The following NRXN3 variants were observed in gnomAD, a reference collection of about 807,000 sequenced individuals.
The protein encoded by NRXN3 is neurexin 3, also known as neurexin III.
In NRXN3, 32 loss-of-function variants were observed where a neutral mutation model predicts 137.6. The ratio of observed to expected loss-of-function variants is 0.23; its 90% CI spans 0.18 to 0.31. The LOEUF (loss-of-function observed/expected upper bound fraction) is 0.31. Ranked by LOEUF, NRXN3 falls within the 10% of genes least tolerant of loss-of-function variation. The probability of loss-of-function intolerance (pLI) is 1.00; values close to 1 mark genes in which losing one functional copy is unlikely to be tolerated. For missense variants in NRXN3, 1,574 were observed against 2,062.5 expected (o/e 0.76, Z 4.59); for synonymous variants, 798 against 784.5 (o/e 1.02, Z -0.29).
Position 78,810,302 on chromosome 14 carries a change from A to AT in NRXN3, c.2249-11dup, listed in dbSNP as rs776062444. 6 of 1,489,470 alleles carry AT rather than the reference A, an allele frequency of 4.0e-6. No individual in the cohort carries two copies. In the East Asian group the frequency reaches 1.5e-4, roughly 37 times the overall value. The allele number at this position is 1,489,470 out of a possible 1,614,324, so 92.3% of individuals were successfully genotyped here. ...AAGGATGCAATTTCATCTTTCATTT[A>AT]TTTTTCCCCATCTAGACTGTATCAG... On this transcript the variant is annotated splice_polypyrimidine_tract_variant and intron_variant, in intron 9 of 20. Coordinates refer to ENST00000335750, the MANE Select transcript of NRXN3 (RefSeq NM_001330195.2).
At chr14:79,424,760 A>G (rs1412603550) in intron 15 of NRXN3, among the ~76,000 whole-genome samples, 1 of 152,202 alleles carries the variant, frequency 6.6e-6, no homozygotes, top group East Asian at 1.9e-4. Flanking sequence ...ATGTAAAAAT[A>G]GTAGTCCTTC....
Position 78,725,570 on chromosome 14 carries a change from T to C in NRXN3, c.2044+10431T>C, listed in dbSNP as rs548257775. On this transcript the variant is annotated intron_variant, in intron 8 of 20. Transcript: ENST00000335750. ...TCAGCCACTATAAGGTGGAGCCTCC[T>C]TCTGTGGAAATCCACAAAGTCAAGG... Among the ~76,000 whole-genome samples the C allele has an allele frequency of 2.0e-5, 3 of 152,354 alleles. No homozygotes were observed. In the South Asian group the frequency reaches 6.2e-4, roughly 32 times the overall value.
At chr14:78,386,648 T>G (rs943414562) in intron 4 of NRXN3, among the ~76,000 whole-genome samples, 1 of 152,196 alleles carries the variant, frequency 6.6e-6, no homozygotes, top group Admixed American at 6.5e-5. Flanking sequence ...CTAGAATATG[T>G]AAGTGACCTA....
chr14:78,175,295 G>A lies in NRXN3; in HGVS notation c.-704+4621G>A, dbSNP rs576210624. Among the ~76,000 whole-genome samples, 10 of 152,288 alleles carry A rather than the reference G, an allele frequency of 6.6e-5. No homozygotes were observed. In the South Asian group the frequency reaches 1.0e-3, roughly 16 times the overall value. The stretch of plus-strand genomic sequence containing the variant: ...TGAGGAGTTAGGGAGACAGGGTTAC[G>A]TCATTGCCAGAGAAAGGGGATAAAT... On this transcript the variant is annotated intron_variant, in intron 1 of 20. Coordinates refer to ENST00000335750, the MANE Select transcript of NRXN3 (RefSeq NM_001330195.2).
chr14:79,686,331 A>C (rs575480139), intron 17 of NRXN3, among the ~76,000 whole-genome samples: 5 of 152,110 alleles, frequency 3.3e-5, no homozygotes, highest in Non-Finnish European at 7.4e-5. Context: ...CTCAATGCAA[A>C]TATCGAGACT....
intron 16 of NRXN3, among the ~76,000 whole-genome samples, chr14:79,635,224 A>G (rs2098394855): frequency 6.6e-6 from 1 of 152,192 alleles, no homozygotes; most frequent in South Asian, 2.1e-4. Context: ...TTAAAAACAA[A>G]ATAAAACATA....
At chr14:79,261,593 G>T (rs1348451707) in intron 15 of NRXN3, among the ~76,000 whole-genome samples, 1 of 122,560 alleles carries the variant, frequency 8.2e-6, no homozygotes, top group South Asian at 3.0e-4. Flanking sequence ...CCACAGATAA[G>T]AAAGGTGCTG....
chr14:79,584,771 T>A (rs1210627461), intron 16 of NRXN3, among the ~76,000 whole-genome samples: 1 of 151,940 alleles, frequency 6.6e-6, no homozygotes, highest in Non-Finnish European at 1.5e-5. Context: ...AAGAGCAGGG[T>A]CCTCACTGAG....
At chr14:79,707,752 A>AT (rs1370727683) in intron 19 of NRXN3, among the ~76,000 whole-genome samples, 1 of 152,158 alleles carries the variant, frequency 6.6e-6, no homozygotes, top group Non-Finnish European at 1.5e-5. Flanking sequence ...AGAAAGTTTT[A>AT]TTTTAACATT....
At chr14:78,267,994 G>A (rs1228318067) in intron 2 of NRXN3, among the ~76,000 whole-genome samples, 1 of 152,284 alleles carries the variant, frequency 6.6e-6, no homozygotes, top group Non-Finnish European at 1.5e-5. Flanking sequence ...AACAAAAAAA[G>A]GGTGAGGATA....
chr14:79,630,681 C>T (rs2098335379), intron 16 of NRXN3, among the ~76,000 whole-genome samples: 1 of 152,136 alleles, frequency 6.6e-6, no homozygotes. Context: ...CTTTGTTGTC[C>T]TATTTTATGC....
intron 15 of NRXN3, among the ~76,000 whole-genome samples, chr14:79,141,130 C>T (rs112556104): frequency 0.012 from 1,793 of 152,182 alleles, 27 homozygotes; most frequent in African/African-American, 0.041. Flanking sequence ...CTTTAATTGG[C>T]CATTTATTCC....
At chr14:79,323,675 T>A (rs553237966) in intron 15 of NRXN3, among the ~76,000 whole-genome samples, 1 of 152,008 alleles carries the variant, frequency 6.6e-6, no homozygotes, top group Non-Finnish European at 1.5e-5. Flanking sequence ...CTGGCCAATG[T>A]GGTGAAACCC....
At chr14:79,493,620 T>C (rs563759509) in intron 16 of NRXN3, among the ~76,000 whole-genome samples, 46 of 152,324 alleles carry the variant, frequency 3.0e-4, no homozygotes, top group African/African-American at 1.1e-3. Context: ...TATCACGGGA[T>C]GAATAGGTAT....
chr14:79,354,308 A>T (rs1025943444), intron 15 of NRXN3, among the ~76,000 whole-genome samples: 1 of 152,196 alleles, frequency 6.6e-6, no homozygotes, highest in Non-Finnish European at 1.5e-5. Context: ...ATATGGTATC[A>T]ATGATACTCA....
chr14:79,705,036 AG>A (rs985396251), intron 19 of NRXN3, among the ~76,000 whole-genome samples: 4 of 152,160 alleles, frequency 2.6e-5, no homozygotes, highest in African/African-American at 7.2e-5. Context: ...AAGGGTCCTG[AG>A]GGCAGACGAA....
chr14:78,170,952 C>CTT (rs545853025), intron 1 of NRXN3, among the ~76,000 whole-genome samples: 24 of 126,166 alleles, frequency 1.9e-4, no homozygotes, highest in African/African-American at 4.9e-4. Context: ...TCTTCTTCTT[C>CTT]TTTTTTTTTT....
chr14:79,019,765 C>G (rs965767319), intron 15 of NRXN3, among the ~76,000 whole-genome samples: 2 of 151,980 alleles, frequency 1.3e-5, no homozygotes, highest in African/African-American at 4.8e-5. Flanking sequence ...GAGAACACTT[C>G]CTGGATTGAG....
chr14:79,456,258 C>T (rs1272739546), intron 15 of NRXN3, among the ~76,000 whole-genome samples: 2 of 152,172 alleles, frequency 1.3e-5, no homozygotes, highest in African/African-American at 4.8e-5. Flanking sequence ...TTGCTTATCA[C>T]CCAATCATCA....
Sources: allele counts gnomAD v4.1 joint callset (sites outside exome capture counted in the v4.1 genomes callset), GRCh38; gene constraint gnomAD v4.1.1; transcripts MANE v1.5; gene names NCBI Gene and HGNC (gene_info 2026-07-23, HGNC 2026-07-21).